Variants in MAP6D1 observed in about 807,000 individuals in gnomAD.
The protein encoded by MAP6D1 is MAP6 domain containing 1.
MAP6D1 carries 13 observed loss-of-function variants against 17.4 expected under a neutral mutation model. The observed-to-expected ratio is 0.75, with a 90% confidence interval of 0.49 to 1.19. The LOEUF (loss-of-function observed/expected upper bound fraction) is 1.19, where lower values mean the gene tolerates loss of function less well. Ranked by LOEUF, MAP6D1 falls within the 50% of genes most tolerant of loss-of-function variation. The pLI is 0.00. For synonymous variants in MAP6D1, 141 were observed against 145.7 expected (o/e 0.97, Z 0.23); for missense variants, 313 against 312.6 (o/e 1.00, Z -0.01).
rs890222829 is a variant in MAP6D1, at chr3:183,817,001, C to G, written c.*355G>C. 2 of 263,526 alleles carry G rather than the reference C, an allele frequency of 7.6e-6. No individual in the cohort carries two copies. 16.3% of individuals were successfully genotyped at this position (263,526 alleles called of 1,614,324 possible). ...CAAAAGTGGACATAACTGGTTCTTT[C>G]AAGGGCCGGATGTGTCCACATTCCT... On this transcript the variant is annotated 3_prime_UTR_variant, in exon 3 of 3. Coordinates refer to ENST00000318631, the MANE Select transcript of MAP6D1 (RefSeq NM_024871.4).
At chr3:183,819,928 C>T (rs1727207181) in intron 1 of MAP6D1, among the ~76,000 whole-genome samples, 1 of 152,212 alleles carries the variant, frequency 6.6e-6, no homozygotes, top group Non-Finnish European at 1.5e-5. Flanking sequence ...AGGGAAGCAA[C>T]CAGGGAGCAA....
chr3:183,822,672 G>A (rs1356135814), intron 1 of MAP6D1, among the ~76,000 whole-genome samples: 1 of 151,432 alleles, frequency 6.6e-6, no homozygotes, highest in African/African-American at 2.4e-5. Flanking sequence ...GTTGCAGGGT[G>A]GGTCTTGCAT....
At position 183,818,090 on chromosome 3, in the gene MAP6D1, A is replaced by C. The variant is rs1257672522; in HGVS notation, c.423T>G (p.Thr141=). The C allele has an allele frequency of 2.5e-6, 4 of 1,614,020 alleles. No individual in the cohort carries two copies. Among genetic ancestry groups the C allele is most frequent in the Non-Finnish European group, 3.4e-6 (4 of 1,180,014 alleles). Reference sequence around the variant, plus strand: ...TTGTGGATCTTGAGGGCTTCACTCCAGTCCAAGCCTGGAATTCCTGTCTGG... The same window carrying C: ...TTGTGGATCTTGAGGGCTTCACTCCCGTCCAAGCCTGGAATTCCTGTCTGG... ...TSYRQEFQAW[T]GVKPSRSTKT... The change falls in exon 2 of 3, where the codon ACT becomes ACG. Residue 141 remains threonine, a synonymous_variant. Transcript: ENST00000318631.
rs369634182 is a variant in MAP6D1, at chr3:183,822,768, G to A, written c.401+2379C>T. On this transcript the variant is annotated intron_variant, in intron 1 of 2. Transcript: ENST00000318631. ...GCTCAGGCCCTAGACTAGCCAGCTG[G>A]AGGGGCCTGAATAGCGGAGAGTCTG... Among the ~76,000 whole-genome samples, 921 of 152,344 alleles carry A rather than the reference G, an allele frequency of 6.0e-3. 8 individuals carry two copies. Among genetic ancestry groups the A allele is most frequent in the African/African-American group, 0.021 (878 of 41,578 alleles).
chr3:183,817,457 ACATAT>A, intron 2 of MAP6D1, 21 bp from the exon 3 acceptor site: 1 of 1,551,710 alleles, frequency 6.4e-7, no homozygotes, highest in South Asian at 1.2e-5. Flanking sequence ...AAGTGTGGCC[ACATAT>A]CAGTGGGACT....
intron 2 of MAP6D1, 32 bp downstream of exon 2, chr3:183,817,962 C>G (rs1281926549): frequency 6.4e-7 from 1 of 1,555,956 alleles, no homozygotes. Context: ...GCCTCTATAC[C>G]CACACCCCTG....
chr3:183,816,363 G>A lies in MAP6D1; in HGVS notation c.*993C>T, dbSNP rs1727102801. 6.6e-6 allele frequency: 1 copy of A among 152,232 alleles called. No homozygotes were observed. Among genetic ancestry groups the A allele is most frequent in the African/African-American group, 2.4e-5 (1 of 41,450 alleles). 9.4% of individuals were successfully genotyped at this position (152,232 alleles called of 1,614,324 possible). A position where few individuals can be genotyped will look rare whatever the true frequency, so the allele number is the denominator to read the frequency against. ...AGCTTGTACCTCTAAGCTTTAAAAA[G>A]AGACGAAGACCCCTCAAACGTGTGA... On this transcript the variant is annotated 3_prime_UTR_variant, in exon 3 of 3. Coordinates refer to ENST00000318631, the MANE Select transcript of MAP6D1 (RefSeq NM_024871.4).
At chr3:183,824,608 G>A (rs1727330122) in intron 1 of MAP6D1, among the ~76,000 whole-genome samples, 1 of 152,234 alleles carries the variant, frequency 6.6e-6, no homozygotes, top group South Asian at 2.1e-4. Context: ...AAAGCCCTCG[G>A]CTGTCCAGGA....
chr3:183,820,815 G>A (rs1399661156), intron 1 of MAP6D1, among the ~76,000 whole-genome samples: 6 of 152,174 alleles, frequency 3.9e-5, no homozygotes, highest in African/African-American at 1.2e-4. Flanking sequence ...GCTGAGGCAG[G>A]AGAATGGCGT....
chr3:183,817,233 G>C lies in MAP6D1; in HGVS notation c.*123C>G. 1 of 970,748 alleles carries C rather than the reference G, an allele frequency of 1.0e-6. No individual in the cohort carries two copies. The highest frequency in any genetic ancestry group is 2.7e-5 in the East Asian group (1 of 37,658). The allele number at this position is 970,748 out of a possible 1,614,324, so 60.1% of individuals were successfully genotyped here. On this transcript the variant is annotated 3_prime_UTR_variant, in exon 3 of 3. Coordinates refer to ENST00000318631, the MANE Select transcript of MAP6D1 (RefSeq NM_024871.4). ...GCACTTTGGCCCTGGTGACAGCTTT[G>C]AGAGGGGCTGTGCCCTCCCGCAGGG...
At chr3:183,818,221 C>CT (rs1727165143) in intron 1 of MAP6D1, 110 bp from the exon 2 acceptor site, 3 of 880,954 alleles carry the variant, frequency 3.4e-6, no homozygotes. Flanking sequence ...TGCTGAAACC[C>CT]TCGGCTCCAG....
At position 183,823,462 on chromosome 3, in the gene MAP6D1, G is replaced by A. The variant is rs183525411; in HGVS notation, c.401+1685C>T. On this transcript the variant is annotated intron_variant, in intron 1 of 2. Transcript: ENST00000318631. ...TAAAAATACAAAAAATTAGCTGGGC[G>A]TGATGGCACACACCTATAATCCCAG... 1.3e-3 allele frequency among the ~76,000 whole-genome samples: 205 copies of A among 152,230 alleles called. 3 individuals are homozygous for A. The highest frequency in any genetic ancestry group is 4.6e-3 in the South Asian group (22 of 4,820).
At chr3:183,824,877 C>T (rs1727342077) in intron 1 of MAP6D1, among the ~76,000 whole-genome samples, 1 of 152,242 alleles carries the variant, frequency 6.6e-6, no homozygotes, top group Admixed American at 6.5e-5. Context: ...TGACGGCTGC[C>T]CCCAGGAGGG....
intron 1 of MAP6D1, among the ~76,000 whole-genome samples, chr3:183,819,324 AC>A (rs1353571583): frequency 1.3e-5 from 2 of 152,184 alleles, no homozygotes; most frequent in Non-Finnish European, 2.9e-5. Context: ...AGCTGCCCAA[AC>A]CATATGCTGC....
chr3:183,820,626 A>G (rs138590782), intron 1 of MAP6D1, among the ~76,000 whole-genome samples: 5,930 of 151,928 alleles, frequency 0.039, 149 homozygotes, highest in Middle Eastern at 0.075. Flanking sequence ...TAGGCCAGGC[A>G]CAGTGGCTCA....
chr3:183,821,358 C>G (rs931686257), intron 1 of MAP6D1, among the ~76,000 whole-genome samples: 6 of 152,156 alleles, frequency 3.9e-5, no homozygotes, highest in Admixed American at 2.6e-4. Flanking sequence ...ACTCAGTTTC[C>G]TTGTCTGTAG....
chr3:183,818,814 G>A (rs932089283), intron 1 of MAP6D1, among the ~76,000 whole-genome samples: 3 of 152,194 alleles, frequency 2.0e-5, no homozygotes, highest in Non-Finnish European at 4.4e-5. Context: ...TGGATCATGC[G>A]CTGTTGCTGA....
At chr3:183,820,782 C>A (rs1727232855) in intron 1 of MAP6D1, among the ~76,000 whole-genome samples, 1 of 152,054 alleles carries the variant, frequency 6.6e-6, no homozygotes, top group Non-Finnish European at 1.5e-5. Flanking sequence ...TGGCGGGCGC[C>A]TGTAGTCCCA....
chr3:183,824,205 T>C (rs1727319943), intron 1 of MAP6D1, among the ~76,000 whole-genome samples: 1 of 152,142 alleles, frequency 6.6e-6, no homozygotes, highest in African/African-American at 2.4e-5. Flanking sequence ...GTAGGGAAAA[T>C]TCCTAGTAGT....
Sources: allele counts gnomAD v4.1 joint callset (sites outside exome capture counted in the v4.1 genomes callset), GRCh38; gene constraint gnomAD v4.1.1; transcripts MANE v1.5; gene names NCBI Gene and HGNC (gene_info 2026-07-23, HGNC 2026-07-21).